Variants in SPAG16 observed in about 807,000 individuals in gnomAD.
The protein encoded by SPAG16 is sperm associated antigen 16.
Under a neutral mutation model 80.4 loss-of-function variants are expected in SPAG16, and 86 were observed. The ratio of observed to expected loss-of-function variants is 1.07; its 90% CI spans 0.90 to 1.28. The LOEUF (loss-of-function observed/expected upper bound fraction) is 1.28. Among genes scored for constraint, SPAG16 ranks in the 50% most tolerant of loss-of-function variants. The pLI is 0.00. For missense variants in SPAG16, 870 were observed against 765.3 expected (o/e 1.14, Z -1.61); for synonymous variants, 294 against 265.9 (o/e 1.11, Z -1.03).
intron 10 of SPAG16, among the ~76,000 whole-genome samples, chr2:213,742,891 A>G: frequency 6.7e-6 from 1 of 149,246 alleles, no homozygotes; most frequent in Admixed American, 6.7e-5. Flanking sequence ...CAAATTTGCC[A>G]GTATTTAACA....
intron 10 of SPAG16, among the ~76,000 whole-genome samples, chr2:213,572,496 C>T (rs1028600228): frequency 5.3e-5 from 8 of 150,564 alleles, no homozygotes; most frequent in African/African-American, 9.8e-5. Context: ...AGTACCCTGC[C>T]GTGTGAGGTG....
chr2:213,284,807 T>A (rs2061994581), intron 1 of SPAG16, 188 bp downstream of exon 1: 1 of 831,510 alleles, frequency 1.2e-6, no homozygotes, highest in Non-Finnish European at 1.8e-6. Context: ...TTTCTCGCCC[T>A]TAGTAGCCCA....
At chr2:213,333,195 A>G (rs897804660) in intron 5 of SPAG16, among the ~76,000 whole-genome samples, 1 of 152,208 alleles carries the variant, frequency 6.6e-6, no homozygotes, top group African/African-American at 2.4e-5. Context: ...AAAAATCAGT[A>G]GCATTTCTGT....
At chr2:213,614,605 G>C (rs1003578117) in intron 10 of SPAG16, among the ~76,000 whole-genome samples, 2 of 152,040 alleles carry the variant, frequency 1.3e-5, no homozygotes, top group Admixed American at 1.3e-4. Flanking sequence ...TTGAAAACTG[G>C]GTATTCCATC....
intron 15 of SPAG16, among the ~76,000 whole-genome samples, chr2:214,371,920 A>G (rs988870699): frequency 6.6e-6 from 1 of 152,036 alleles, no homozygotes; most frequent in Non-Finnish European, 1.5e-5. Context: ...GCCTCAAGCA[A>G]TCTGCCTGCC....
intron 13 of SPAG16, among the ~76,000 whole-genome samples, chr2:214,055,326 A>G (rs1034309768): frequency 3.3e-5 from 5 of 152,154 alleles, no homozygotes; most frequent in South Asian, 2.1e-4. Flanking sequence ...GCAAGATTTC[A>G]TTATCGAATA....
rs183354588 is a variant in SPAG16, at chr2:214,409,532, T to A, written c.1721-608T>A. 6.3e-4 allele frequency among the ~76,000 whole-genome samples: 96 copies of A among 152,228 alleles called. 3 individuals are homozygous for A. The East Asian group carries it at 0.011, about 18-fold the overall frequency. The stretch of plus-strand genomic sequence containing the variant: ...ATTTAGCCATCTTATGTAAAAAAAA[T>A]TTAATTTATCAAAATTTGAATTCTA... On this transcript the variant is annotated intron_variant, in intron 15 of 15. Coordinates refer to ENST00000331683, the MANE Select transcript of SPAG16 (RefSeq NM_024532.5).
At chr2:213,914,083 C>A (rs367609734) in intron 11 of SPAG16, among the ~76,000 whole-genome samples, 1 of 152,132 alleles carries the variant, frequency 6.6e-6, no homozygotes, top group East Asian at 1.9e-4. Context: ...GTAAAACTGA[C>A]GCATAAAATT....
At chr2:214,334,689 T>C (rs1559221511) in intron 15 of SPAG16, among the ~76,000 whole-genome samples, 1 of 152,344 alleles carries the variant, frequency 6.6e-6, no homozygotes, top group East Asian at 1.9e-4. Context: ...TTCTAATGGC[T>C]ATTTCTCAAA....
chr2:214,120,521 C>T (rs2054166589), intron 14 of SPAG16, among the ~76,000 whole-genome samples: 1 of 151,688 alleles, frequency 6.6e-6, no homozygotes, highest in Non-Finnish European at 1.5e-5. Flanking sequence ...TCCTAGAAAC[C>T]TGCACTAGCA....
chr2:214,395,913 TC>T (rs1447920822), intron 15 of SPAG16, among the ~76,000 whole-genome samples: 2 of 152,188 alleles, frequency 1.3e-5, no homozygotes, highest in Non-Finnish European at 2.9e-5. Flanking sequence ...TACCAATTTT[TC>T]TTTAACCAGT....
Position 213,611,266 on chromosome 2 carries a change from A to C in SPAG16, c.1070+121176A>C, listed in dbSNP as rs117649541. The stretch of plus-strand genomic sequence containing the variant: ...GTGACCCTTCAGAGGGCAAAGGGGA[A>C]GTTTTCCCTTGGCTCCTATGGCATG... On this transcript the variant is annotated intron_variant, in intron 10 of 15. Coordinates refer to ENST00000331683, the MANE Select transcript of SPAG16 (RefSeq NM_024532.5). Among the ~76,000 whole-genome samples the C allele has an allele frequency of 2.3e-3, 345 of 152,312 alleles. 5 individuals are homozygous for C. The East Asian group carries it at 0.046, about 20-fold the overall frequency.
At chr2:213,433,329 G>A (rs2070418311) in intron 9 of SPAG16, among the ~76,000 whole-genome samples, 1 of 152,170 alleles carries the variant, frequency 6.6e-6, no homozygotes, top group Admixed American at 6.5e-5. Flanking sequence ...ATTCATTGAT[G>A]ATCTTATACT....
At chr2:214,385,036 T>A (rs1298479326) in intron 15 of SPAG16, among the ~76,000 whole-genome samples, 1 of 152,222 alleles carries the variant, frequency 6.6e-6, no homozygotes, top group Admixed American at 6.5e-5. Flanking sequence ...TACTATCAAA[T>A]GGTATTGAAA....
chr2:213,944,720 G>A (rs76920193), intron 12 of SPAG16, among the ~76,000 whole-genome samples: 10,117 of 152,058 alleles, frequency 0.067, 577 homozygotes, highest in African/African-American at 0.15. Context: ...GTGTCCCTCC[G>A]AAGTTCATAT....
chr2:213,380,870 A>G (rs895704758), intron 9 of SPAG16, among the ~76,000 whole-genome samples: 1 of 152,114 alleles, frequency 6.6e-6, no homozygotes. Flanking sequence ...ACCTCACTCA[A>G]AACTGGCAGC....
chr2:213,359,185 G>T (rs1032790124), intron 7 of SPAG16, among the ~76,000 whole-genome samples: 1 of 152,196 alleles, frequency 6.6e-6, no homozygotes, highest in Non-Finnish European at 1.5e-5. Flanking sequence ...TGAGGTATCA[G>T]TCGGCCCCTA....
At chr2:213,716,756 A>G (rs1468821049) in intron 10 of SPAG16, among the ~76,000 whole-genome samples, 1 of 152,176 alleles carries the variant, frequency 6.6e-6, no homozygotes, top group Non-Finnish European at 1.5e-5. Flanking sequence ...CTACTCTGTC[A>G]TCAGTGTAAT....
chr2:214,198,491 T>C (rs1292879063), intron 15 of SPAG16, among the ~76,000 whole-genome samples: 2 of 152,098 alleles, frequency 1.3e-5, no homozygotes, highest in Admixed American at 1.3e-4. Context: ...ATTTGTTCAT[T>C]AATTTGTTGG....
Sources: allele counts gnomAD v4.1 joint callset (sites outside exome capture counted in the v4.1 genomes callset), GRCh38; gene constraint gnomAD v4.1.1; transcripts MANE v1.5; gene names NCBI Gene and HGNC (gene_info 2026-07-23, HGNC 2026-07-21).